Variants in RBFOX3 observed in about 807,000 individuals in gnomAD.
RBFOX3 encodes the protein RNA binding protein fox-1 homolog 3.
A neutral mutation model predicts 48.7 loss-of-function variants in RBFOX3; 17 were observed. The observed-to-expected ratio is 0.35, with a 90% CI of 0.24 to 0.52. The LOEUF is 0.52. Ranked by LOEUF, RBFOX3 falls within the 20% of genes least tolerant of loss-of-function variation. The pLI is 0.94. For synonymous variants in RBFOX3, 212 were observed against 209.5 expected, an observed-to-expected ratio of 1.01 and a Z score of -0.10; for missense variants, 382 against 497.5, an observed-to-expected ratio of 0.77 and a Z score of 2.21.
At chr17:79,356,728 TA>T (rs2147157940) in intron 2 of RBFOX3, among the ~76,000 whole-genome samples, 1 of 152,176 alleles carries the variant, frequency 6.6e-6, no homozygotes, top group East Asian at 1.9e-4. Context: ...TAGGTGTGAA[TA>T]ACTATTTGGG....
intron 4 of RBFOX3, among the ~76,000 whole-genome samples, chr17:79,225,206 G>A (rs923176342): frequency 4.6e-5 from 7 of 151,760 alleles, no homozygotes; most frequent in African/African-American, 1.5e-4. Context: ...TGGAAAGTTC[G>A]GCTGTCTCCC....
intron 1 of RBFOX3, among the ~76,000 whole-genome samples, chr17:79,528,032 T>C (rs2087039787): frequency 1.3e-5 from 2 of 152,230 alleles, no homozygotes; most frequent in Admixed American, 6.5e-5. Flanking sequence ...AGGAGAATCT[T>C]AGTTGAACCA....
chr17:79,340,656 C>T (rs4790032), intron 2 of RBFOX3, among the ~76,000 whole-genome samples: 98,982 of 151,962 alleles, frequency 0.65, 32,439 homozygotes, highest in East Asian at 0.78. Flanking sequence ...ACGGGTCTGG[C>T]ACTCAGAAAC....
intron 2 of RBFOX3, among the ~76,000 whole-genome samples, chr17:79,404,330 A>G (rs2063259190): frequency 8.9e-6 from 1 of 112,576 alleles, no homozygotes; most frequent in Non-Finnish European, 1.9e-5. Flanking sequence ...TCCTAAGCCA[A>G]CTCTTTGAGG....
intron 3 of RBFOX3, among the ~76,000 whole-genome samples, chr17:79,275,604 G>A (rs2068647458): frequency 6.6e-6 from 1 of 152,112 alleles, no homozygotes; most frequent in South Asian, 2.1e-4. Flanking sequence ...CAGAAGCACA[G>A]GGGGTATCAG....
Position 79,203,178 on chromosome 17 carries a change from G to A in RBFOX3, c.-34+32588C>T, listed in dbSNP as rs139250437. 3.3e-5 allele frequency among the ~76,000 whole-genome samples: 5 copies of A among 151,118 alleles called. No individual in the cohort carries two copies. The East Asian group carries it at 9.8e-4, about 30-fold the overall frequency. Reference sequence around the variant, plus strand: ...GGGGCCAGACATTGCTAAGGACCACGCTGCTGGTGACAGATGGGGCTGTGA... The same window carrying A: ...GGGGCCAGACATTGCTAAGGACCACACTGCTGGTGACAGATGGGGCTGTGA... On this transcript the variant is annotated intron_variant, in intron 4 of 14. Transcript: ENST00000693108.
intron 1 of RBFOX3, among the ~76,000 whole-genome samples, chr17:79,585,455 G>A (rs2093218576): frequency 1.3e-5 from 2 of 152,066 alleles, no homozygotes; most frequent in East Asian, 1.9e-4. Flanking sequence ...TACTCAGGAG[G>A]CTGAGGCAGG....
At chr17:79,467,748 C>T (rs2076506275) in intron 2 of RBFOX3, among the ~76,000 whole-genome samples, 1 of 152,200 alleles carries the variant, frequency 6.6e-6, no homozygotes, top group Admixed American at 6.5e-5. Flanking sequence ...GGCACCTCTC[C>T]TCCCTGGGAT....
chr17:79,578,007 GA>G (rs1358579201), intron 1 of RBFOX3, among the ~76,000 whole-genome samples: 1 of 152,240 alleles, frequency 6.6e-6, no homozygotes, highest in Non-Finnish European at 1.5e-5. Context: ...GTTCAGCTCA[GA>G]ACCCTGCTGT....
At chr17:79,296,967 C>T (rs1383824726) in intron 3 of RBFOX3, among the ~76,000 whole-genome samples, 1 of 146,264 alleles carries the variant, frequency 6.8e-6, no homozygotes, top group East Asian at 2.1e-4. Context: ...ATCCTCTCCT[C>T]CTCCCTCTCC....
At chr17:79,515,822 C>T (rs2085168585) in intron 1 of RBFOX3, 1 of 152,446 alleles carries the variant, frequency 6.6e-6, no homozygotes, top group Non-Finnish European at 1.5e-5. Flanking sequence ...CACCCCTGCA[C>T]CGAGCCCCAC....
intron 2 of RBFOX3, among the ~76,000 whole-genome samples, chr17:79,367,075 C>T (rs2057872716): frequency 6.6e-6 from 1 of 152,200 alleles, no homozygotes; most frequent in Non-Finnish European, 1.5e-5. Flanking sequence ...TCACACCTCC[C>T]TTGCCCAATT....
the RBFOX3 span, among the ~76,000 whole-genome samples, chr17:79,635,910 A>G: frequency 2.0e-5 from 3 of 152,252 alleles, no homozygotes; most frequent in Non-Finnish European, 2.9e-5. Flanking sequence ...AAATAATACC[A>G]GGATAGAACA....
Position 79,362,379 on chromosome 17 carries a change from G to A in RBFOX3, c.-174-54555C>T, listed in dbSNP as rs574361131. ...GACGGTGGGAGAGGCTGAGTGCAGC[G>A]TCTTTCAGAGCCAAACAGAGCCCCA... On this transcript the variant is annotated intron_variant, in intron 2 of 14. Coordinates refer to ENST00000693108, the MANE Select transcript of RBFOX3 (RefSeq NM_001350451.2). This position sits in a 1 kb window ranked among gnomAD's most constrained non-coding sequence, Gnocchi z 4.2. Among the ~76,000 whole-genome samples the A allele has an allele frequency of 3.9e-5, 6 of 152,088 alleles. No individual in the cohort carries two copies. In the East Asian group the frequency reaches 5.8e-4, roughly 15 times the overall value.
chr17:79,650,747 C>T, the RBFOX3 span, among the ~76,000 whole-genome samples: 1 of 152,268 alleles, frequency 6.6e-6, no homozygotes, highest in East Asian at 1.9e-4. Flanking sequence ...ACTTAGGAGT[C>T]ACAGTAGAAA....
At chr17:79,233,979 T>C (rs796884897) in intron 4 of RBFOX3, 35 of 152,352 alleles carry the variant, frequency 2.3e-4, no homozygotes, top group African/African-American at 8.4e-4. Flanking sequence ...TAAAATAGAT[T>C]CAGTTTACAG....
At chr17:79,096,956 G>A (rs2075386983) in intron 11 of RBFOX3, 123 bp from the exon 12 acceptor site, 4 of 599,062 alleles carry the variant, frequency 6.7e-6, no homozygotes, top group Admixed American at 6.1e-5. Flanking sequence ...GTGATGGAGG[G>A]CACCAGACCC....
At chr17:79,130,723 C>T (rs1320551270) in intron 4 of RBFOX3, among the ~76,000 whole-genome samples, 2 of 152,256 alleles carry the variant, frequency 1.3e-5, no homozygotes, top group South Asian at 2.1e-4. Context: ...TCACAGAGCC[C>T]GATACCGAGC....
intron 3 of RBFOX3, among the ~76,000 whole-genome samples, chr17:79,278,164 G>T (rs1326953044): frequency 6.6e-6 from 1 of 152,112 alleles, no homozygotes; most frequent in Non-Finnish European, 1.5e-5. Context: ...GCCATGGGGG[G>T]CCTCGGGGGT....
Sources: gnomAD v4.1 joint callset for allele counts (sites outside exome capture counted in the v4.1 genomes callset) on GRCh38, gnomAD v4.1.1 for gene constraint, Gnocchi (gnomAD v3.1) non-coding constraint, MANE v1.5 for transcripts, NCBI Gene and HGNC (gene_info 2026-07-23, HGNC 2026-07-21) for gene names.